Variants in TUSC3 observed in about 807,000 individuals in gnomAD.
TUSC3 encodes tumor suppressor candidate 3.
In TUSC3, 45 loss-of-function variants were observed where a neutral mutation model predicts 44.8. That is an observed-to-expected ratio of 1.00 (90% confidence interval 0.79 to 1.29). The LOEUF is 1.29. Among genes scored for constraint, TUSC3 ranks in the 50% most tolerant of loss-of-function variants. The pLI is 0.00. For synonymous variants in TUSC3, 212 were observed against 152.9 expected (o/e 1.39, Z -2.85); for missense variants, 519 against 437.9 (o/e 1.19, Z -1.65).
At chr8:15,705,644 C>T (rs1199231628) in intron 6 of TUSC3, among the ~76,000 whole-genome samples, 4 of 151,978 alleles carry the variant, frequency 2.6e-5, no homozygotes, top group African/African-American at 9.7e-5. Flanking sequence ...TTGAGCATGG[C>T]CCTATGTGAT....
chr8:15,672,873 T>G (rs2129183198), intron 5 of TUSC3, among the ~76,000 whole-genome samples: 1 of 152,184 alleles, frequency 6.6e-6, no homozygotes, highest in Admixed American at 6.6e-5. Context: ...TTGGTGTTTT[T>G]ATTGTTATTT....
intron 1 of TUSC3, among the ~76,000 whole-genome samples, chr8:15,597,947 CTG>C (rs1336822757): frequency 6.6e-6 from 1 of 151,988 alleles, no homozygotes; most frequent in Non-Finnish European, 1.5e-5. Flanking sequence ...GCATTTATAT[CTG>C]TATATTTACA....
chr8:15,450,746 TCTA>T (rs1240754499), intron 1 of TUSC3, among the ~76,000 whole-genome samples: 6 of 152,100 alleles, frequency 3.9e-5, no homozygotes, highest in African/African-American at 1.4e-4. Context: ...ACACAGAAGT[TCTA>T]CTAATCAGAG....
At chr8:15,834,658 C>A in the TUSC3 span, among the ~76,000 whole-genome samples, 3,301 of 152,054 alleles carry the variant, frequency 0.022, 137 homozygotes, top group African/African-American at 0.075. Flanking sequence ...TATTTCCTAT[C>A]ATTGAAACAA....
chr8:15,832,992 G>C, the TUSC3 span, among the ~76,000 whole-genome samples: 4 of 152,182 alleles, frequency 2.6e-5, no homozygotes, highest in Middle Eastern at 0.01. Context: ...TTCTCATCAT[G>C]ACATGGCACT....
chr8:15,517,827 T>A (rs994134458), intron 2 of TUSC3, among the ~76,000 whole-genome samples: 1 of 152,064 alleles, frequency 6.6e-6, no homozygotes, highest in South Asian at 2.1e-4. Context: ...TATGTGTTTT[T>A]AAATTTATTA....
the TUSC3 span, among the ~76,000 whole-genome samples, chr8:15,803,598 G>C: frequency 4.3e-4 from 65 of 152,292 alleles, no homozygotes; most frequent in African/African-American, 1.5e-3. Flanking sequence ...TGAACGTGCA[G>C]GTTTGTTACA....
At chr8:15,735,442 G>A (rs1233234398) in intron 7 of TUSC3, among the ~76,000 whole-genome samples, 1 of 152,114 alleles carries the variant, frequency 6.6e-6, no homozygotes, top group East Asian at 1.9e-4. Context: ...AGATTGATTA[G>A]GCCTCATAAT....
At chr8:15,581,646 G>C (rs1256427195) in intron 1 of TUSC3, among the ~76,000 whole-genome samples, 62 of 149,768 alleles carry the variant, frequency 4.1e-4, no homozygotes, top group Admixed American at 4.7e-4. Context: ...CAGGGGTCAG[G>C]GACCCACTTG....
chr8:15,473,158 T>G (rs1324906690), intron 1 of TUSC3, among the ~76,000 whole-genome samples: 1 of 152,204 alleles, frequency 6.6e-6, no homozygotes, highest in Non-Finnish European at 1.5e-5. Context: ...AATATTAACT[T>G]ATTTCTGACT....
chr8:15,522,089 T>A (rs1801307053), intron 2 of TUSC3, among the ~76,000 whole-genome samples: 1 of 152,216 alleles, frequency 6.6e-6, no homozygotes, highest in Admixed American at 6.5e-5. Context: ...GAAATCTTCA[T>A]CTCATTTACA....
chr8:15,753,395 TGTGATCATTCATAC>T (rs967341133), intron 9 of TUSC3, among the ~76,000 whole-genome samples: 2 of 152,058 alleles, frequency 1.3e-5, no homozygotes, highest in African/African-American at 4.8e-5. Flanking sequence ...TAACCCTTCT[TGTGATCATTCATAC>T]GTGAATTATT....
At chr8:15,714,148 G>A (rs139850263) in intron 6 of TUSC3, among the ~76,000 whole-genome samples, 112 of 152,238 alleles carry the variant, frequency 7.4e-4, no homozygotes, top group African/African-American at 2.6e-3. Flanking sequence ...TTTGAAGACA[G>A]TCTGTATAAA....
the TUSC3 span, among the ~76,000 whole-genome samples, chr8:15,826,646 A>T: frequency 2.6e-5 from 4 of 152,210 alleles, no homozygotes; most frequent in Non-Finnish European, 4.4e-5. Flanking sequence ...CCAAATGAGA[A>T]GAAGCGAATG....
chr8:15,624,598 A>C (rs148521832), intron 2 of TUSC3, among the ~76,000 whole-genome samples: 1 of 152,130 alleles, frequency 6.6e-6, no homozygotes, highest in East Asian at 1.9e-4. Context: ...TTCGTCATCT[A>C]TGTATCATCT....
chr8:15,754,632 A>C (rs1441717197), intron 9 of TUSC3, among the ~76,000 whole-genome samples: 2 of 151,988 alleles, frequency 1.3e-5, no homozygotes, highest in Admixed American at 6.6e-5. Context: ...TTAGGCTCCA[A>C]TGCCAAAGTA....
chr8:15,723,472 G>T (rs2129205128), intron 6 of TUSC3, among the ~76,000 whole-genome samples: 1 of 152,214 alleles, frequency 6.6e-6, no homozygotes, highest in African/African-American at 2.4e-5. Context: ...GCAGCCTCTG[G>T]GGAAATCCAA....
chr8:15,424,596 AGTGGCTGGATGCG>A (rs2129115819), intron 1 of TUSC3, among the ~76,000 whole-genome samples: 1 of 152,258 alleles, frequency 6.6e-6, no homozygotes, highest in Non-Finnish European at 1.5e-5. Context: ...AAAAATCGTT[AGTGGCTGGATGCG>A]GTGGCTTACG....
Position 15,584,184 on chromosome 8 carries a change from T to A in TUSC3, c.139-38896T>A, listed in dbSNP as rs1318653093. On this transcript the variant is annotated intron_variant, in intron 1 of 10. Coordinates refer to ENST00000503731, the MANE Select transcript of TUSC3 (RefSeq NM_006765.4). Reference sequence around the variant, plus strand: ...ATTGTCAACGTCATAAAAGTATTTTTATGGTTAATTTGAGTAATTAGAGAA... The same window carrying A: ...ATTGTCAACGTCATAAAAGTATTTTAATGGTTAATTTGAGTAATTAGAGAA... Among the ~76,000 whole-genome samples the A allele has an allele frequency of 2.6e-5, 4 of 152,234 alleles. No individual in the cohort carries two copies. The East Asian group carries it at 7.7e-4, about 29-fold the overall frequency.
Sources: gnomAD v4.1 joint callset for allele counts (sites outside exome capture counted in the v4.1 genomes callset) on GRCh38, gnomAD v4.1.1 for gene constraint, MANE v1.5 for transcripts, NCBI Gene and HGNC (gene_info 2026-07-23, HGNC 2026-07-21) for gene names.